The following FAT4 variants were observed in gnomAD, a reference collection of about 807,000 sequenced individuals.
FAT4 encodes the protein protocadherin Fat 4.
A neutral mutation model predicts 303.9 loss-of-function variants in FAT4; 84 were observed. The ratio of observed to expected loss-of-function variants is 0.28; its 90% CI spans 0.23 to 0.33. FAT4 has a LOEUF of 0.33. Among genes scored for constraint, FAT4 ranks in the 10% least tolerant of loss-of-function variants. FAT4 has a pLI of 1.00. For missense variants in FAT4, 6,005 were observed against 6,146.8 expected (o/e 0.98, Z 0.77); for synonymous variants, 2,307 against 2,298.8 (o/e 1.00, Z -0.10).
intron 2 of FAT4, among the ~76,000 whole-genome samples, chr4:125,370,575 T>C (rs1350281283): frequency 2.0e-5 from 3 of 152,160 alleles, no homozygotes; most frequent in Non-Finnish European, 2.9e-5. Context: ...TGGATTAATA[T>C]GAACAGTCAC....
intron 15 of FAT4, among the ~76,000 whole-genome samples, chr4:125,480,509 G>C (rs1727189659): frequency 6.6e-6 from 1 of 151,952 alleles, no homozygotes. Flanking sequence ...TTCCTCTTTT[G>C]TAAAAATTCT....
At chr4:125,351,756 T>C (rs1338201431) in intron 2 of FAT4, among the ~76,000 whole-genome samples, 2 of 151,764 alleles carry the variant, frequency 1.3e-5, no homozygotes, top group Admixed American at 1.3e-4. Flanking sequence ...GAAATGTTTG[T>C]ACACATGTTC....
At position 125,479,325 on chromosome 4, in the gene FAT4, T is replaced by A. The variant is rs1727141784; in HGVS notation, c.12480-416T>A. Among the ~76,000 whole-genome samples, 6 of 152,148 alleles carry A rather than the reference T, an allele frequency of 3.9e-5. No homozygotes were observed. The South Asian group carries it at 1.2e-3, about 32-fold the overall frequency. ...ACGGTTATTTTTTCATTACTTTACT[T>A]CCATGCTTAGAACAGTGCTTAGCAT... is the stretch of plus-strand genomic sequence containing the variant. On this transcript the variant is annotated intron_variant, in intron 14 of 17. Transcript: ENST00000394329.
intron 7 of FAT4, among the ~76,000 whole-genome samples, chr4:125,425,473 G>A (rs1269726507): frequency 6.6e-6 from 1 of 152,048 alleles, no homozygotes; most frequent in African/African-American, 2.4e-5. Context: ...GAGAACATTG[G>A]TTTAGGAAGC....
Position 125,318,419 on chromosome 4 carries a change from T to A in FAT4, c.2008T>A (p.Ser670Thr). 6.2e-7 allele frequency: 1 copy of A among 1,614,170 alleles called. No homozygotes were observed. The highest frequency in any genetic ancestry group is 8.5e-7 in the Non-Finnish European group (1 of 1,180,028). Residue 670 changes from serine (S) to threonine (T), a missense_variant, in exon 2 of 18, where the codon TCA becomes ACA. Transcript: ENST00000394329. ...LATDLGSPPQ[S>T]SMARINVSLL... is the part of the protein sequence containing the mutation. The stretch of plus-strand genomic sequence containing the variant: ...CACAGATCTGGGCTCCCCTCCCCAG[T>A]CATCAATGGCTCGCATAAATGTGAG...
chr4:125,415,087 T>C lies in FAT4; in HGVS notation c.6124T>C (p.Leu2042=), dbSNP rs1430183151. The change falls in exon 6 of 18, where the codon TTG becomes CTG. Residue 2042 remains leucine, a synonymous_variant. Transcript: ENST00000394329. ...CACTGCTCAAGTCTCCATTATTTTGTTGGATGTAAATGATAACCCACCGAC... is the reference window on the plus strand; with the variant it reads ...CACTGCTCAAGTCTCCATTATTTTGCTGGATGTAAATGATAACCCACCGAC... ...TSTAQVSIIL[L]DVNDNPPTFL... The C allele has an allele frequency of 2.5e-6, 4 of 1,613,950 alleles. No homozygotes were observed. The highest frequency in any genetic ancestry group is 4.5e-5 in the East Asian group (2 of 44,884).
intron 7 of FAT4, among the ~76,000 whole-genome samples, chr4:125,419,979 T>C (rs1054045344): frequency 6.6e-6 from 1 of 152,224 alleles, no homozygotes; most frequent in African/African-American, 2.4e-5. Context: ...CTTGTAGTTC[T>C]CTCTGCCTGG....
chr4:125,335,283 G>A (rs909883123), intron 2 of FAT4, among the ~76,000 whole-genome samples: 21 of 152,170 alleles, frequency 1.4e-4, no homozygotes, highest in African/African-American at 5.1e-4. Flanking sequence ...GCAACCAAGA[G>A]AAAATATACT....
chr4:125,467,928 G>T (rs999582065), intron 11 of FAT4, among the ~76,000 whole-genome samples: 6 of 152,154 alleles, frequency 3.9e-5, no homozygotes, highest in Admixed American at 6.5e-5. Flanking sequence ...ACTTTGGGAG[G>T]CTGAGGCAGG....
intron 2 of FAT4, among the ~76,000 whole-genome samples, chr4:125,325,202 G>A (rs1731106088): frequency 6.6e-6 from 1 of 152,034 alleles, no homozygotes; most frequent in South Asian, 2.1e-4. Context: ...TTCATAGTCT[G>A]TTACATAAAA....
At chr4:125,385,500 G>GT (rs1255949438) in intron 2 of FAT4, among the ~76,000 whole-genome samples, 4 of 152,040 alleles carry the variant, frequency 2.6e-5, no homozygotes, top group Admixed American at 6.6e-5. Context: ...TATTTTTCCA[G>GT]TTTTTTTCCA....
At chr4:125,430,334 G>C (rs970069517) in intron 7 of FAT4, among the ~76,000 whole-genome samples, 1 of 152,118 alleles carries the variant, frequency 6.6e-6, no homozygotes. Flanking sequence ...GAAATTAAGA[G>C]ACATTCCATT....
intron 10 of FAT4, among the ~76,000 whole-genome samples, chr4:125,463,083 G>A (rs918496374): frequency 6.6e-6 from 1 of 151,964 alleles, no homozygotes; most frequent in Admixed American, 6.6e-5. Flanking sequence ...CTTTACAACA[G>A]ATATGTGTAA....
intron 5 of FAT4, among the ~76,000 whole-genome samples, chr4:125,411,703 A>G (rs976879560): frequency 2.0e-5 from 3 of 148,988 alleles, no homozygotes; most frequent in African/African-American, 7.3e-5. Context: ...CTATACACCT[A>G]TACTTTTAAA....
rs141490831 is a variant in FAT4 at position 125,318,259 on chromosome 4, A to T, written c.1848A>T (p.Gly616=). 9.9e-6 allele frequency: 16 copies of T among 1,614,182 alleles called. No individual in the cohort carries two copies. The South Asian group carries it at 1.8e-4, about 18-fold the overall frequency. The change falls in exon 2 of 18, where the codon GGA becomes GGT. Residue 616 remains glycine (G), a synonymous_variant. Transcript: ENST00000394329. ...RATDGDLGDN[G]TVRFSLQEAE... ...CTGACGGGGACCTGGGTGACAACGGAACAGTGCGCTTCTCCTTACAAGAGG... is the reference window on the plus strand; with the variant it reads ...CTGACGGGGACCTGGGTGACAACGGTACAGTGCGCTTCTCCTTACAAGAGG...
chr4:125,449,660 C>T lies in FAT4; in HGVS notation c.8650C>T (p.Pro2884Ser). Residue 2884 changes from proline (P) to serine (S), a missense_variant, in exon 10 of 18, where the codon CCT becomes TCT. By Grantham distance (74) the Pro-to-Ser change is moderately conservative. Transcript: ENST00000394329. ...FSRTSYYLDC[P>S]ELTEIGSKVT... ...CAGAACTTCCTATTATTTAGATTGCCCTGAACTTACTGAGATTGGCTCCAA... is the reference window on the plus strand; with the variant it reads ...CAGAACTTCCTATTATTTAGATTGCTCTGAACTTACTGAGATTGGCTCCAA... 6.2e-7 allele frequency: 1 copy of T among 1,613,866 alleles called. No homozygotes were observed. The highest frequency in any genetic ancestry group is 8.5e-7 in the Non-Finnish European group (1 of 1,179,930).
intron 17 of FAT4, among the ~76,000 whole-genome samples, chr4:125,487,846 C>G (rs192478959): frequency 1.3e-5 from 2 of 152,118 alleles, no homozygotes; most frequent in South Asian, 2.1e-4. Flanking sequence ...ACCACTTTCT[C>G]GAGAGCTTGC....
chr4:125,386,626 A>G (rs1486862515), intron 2 of FAT4, among the ~76,000 whole-genome samples: 1 of 152,186 alleles, frequency 6.6e-6, no homozygotes, highest in Non-Finnish European at 1.5e-5. Flanking sequence ...CATTTCCAAA[A>G]AATTGATTTT....
In FAT4 at chr4:125,452,215, T is replaced by G. The variant is rs1319618330; in HGVS notation, c.11205T>G (p.Phe3735Leu). 5.3e-5 allele frequency: 85 copies of G among 1,614,130 alleles called. No individual in the cohort carries two copies. Among genetic ancestry groups the G allele is most frequent in the Non-Finnish European group, 7.1e-5 (84 of 1,180,054 alleles). Residue 3735 changes from phenylalanine (F) to leucine (L), a missense_variant, in exon 10 of 18, where the codon TTT (phenylalanine) becomes TTG (leucine). By Grantham distance (22) the Phe-to-Leu change is conservative. Transcript: ENST00000394329. The part of the protein sequence containing the change: ...KDFLTNHYLH[F>L]LRIASSQLTG... Reference sequence around the variant, plus strand: ...TCTTGACCAACCACTATCTTCATTTTTTACGCATTGCCAGCTCACAGCTGA... The same window carrying G: ...TCTTGACCAACCACTATCTTCATTTGTTACGCATTGCCAGCTCACAGCTGA...
Sources: allele counts gnomAD v4.1 joint callset (sites outside exome capture counted in the v4.1 genomes callset), GRCh38; gene constraint gnomAD v4.1.1; transcripts MANE v1.5; gene names NCBI Gene and HGNC (gene_info 2026-07-23, HGNC 2026-07-21).